The following TRERF1 variants were observed in gnomAD, a reference collection of about 807,000 sequenced individuals.
The protein encoded by TRERF1 is transcriptional-regulating factor 1.
A neutral mutation model predicts 122.9 loss-of-function variants in TRERF1; 27 were observed. The observed-to-expected ratio is 0.22, with a 90% CI of 0.16 to 0.30. TRERF1 has a LOEUF of 0.30. Among genes scored for constraint, TRERF1 ranks in the 10% least tolerant of loss-of-function variants. The pLI is 1.00. For synonymous variants in TRERF1, 636 were observed against 641.7 expected (o/e 0.99, Z 0.13); for missense variants, 1,248 against 1,560.3 (o/e 0.80, Z 3.37).
chr6:42,374,611 C>A (rs1562089185), intron 2 of TRERF1, among the ~76,000 whole-genome samples: 1 of 152,192 alleles, frequency 6.6e-6, no homozygotes, highest in Non-Finnish European at 1.5e-5. Context: ...AGAGCAAGAC[C>A]TACATCCACC....
In TRERF1 at chr6:42,425,437, G is replaced by A. The variant is rs530177757; in HGVS notation, c.-454+25740C>T. Reference sequence around the variant, plus strand: ...AGTGCCCAGTCACAGAGCACATAAAGGGCAAACCCAGAGTCAGAGTCAAAT... The same window carrying A: ...AGTGCCCAGTCACAGAGCACATAAAAGGCAAACCCAGAGTCAGAGTCAAAT... On this transcript the variant is annotated intron_variant, in intron 2 of 17. Coordinates refer to ENST00000372922, the Ensembl canonical transcript of TRERF1. 4.7e-5 allele frequency among the ~76,000 whole-genome samples: 7 copies of A among 149,562 alleles called. No individual in the cohort carries two copies. In the South Asian group the frequency reaches 1.5e-3, roughly 32 times the overall value.
At chr6:42,288,556 G>A (rs537166861) in intron 4 of TRERF1, among the ~76,000 whole-genome samples, 64 of 116,668 alleles carry the variant, frequency 5.5e-4, no homozygotes, top group African/African-American at 2.2e-3. Flanking sequence ...CAACAAGAGC[G>A]AAACTCCATC....
Position 42,228,224 on chromosome 6 carries a change from A to T in TRERF1, c.*121T>A. On this transcript the variant is annotated 3_prime_UTR_variant, in exon 18 of 18. Coordinates refer to ENST00000372922, the Ensembl canonical transcript of TRERF1. This position sits in a 1 kb window ranked among gnomAD's most constrained non-coding sequence, Gnocchi z 4.2. Reference sequence around the variant, plus strand: ...GATTTTTTTTTCTAAACCTGAATAAAATGACCACTTTTAAAACAGGTAGTT... The same window carrying T: ...GATTTTTTTTTCTAAACCTGAATAATATGACCACTTTTAAAACAGGTAGTT... 2.3e-6 allele frequency: 2 copies of T among 860,680 alleles called. No homozygotes were observed. Among genetic ancestry groups the T allele is most frequent in the Non-Finnish European group, 3.3e-6 (2 of 610,514 alleles). 53.3% of individuals were successfully genotyped at this position (860,680 alleles called of 1,614,324 possible).
intron 2 of TRERF1, among the ~76,000 whole-genome samples, chr6:42,410,678 T>G (rs76806173): frequency 1.3e-5 from 2 of 152,220 alleles, no homozygotes; most frequent in Non-Finnish European, 2.9e-5. Flanking sequence ...GGGACTGTAA[T>G]GCAATCAATC....
At position 42,228,147 on chromosome 6, in the gene TRERF1, C is replaced by G. The variant is rs983684778; in HGVS notation, c.*198G>C. The stretch of plus-strand genomic sequence containing the variant: ...AAGATAGTTGTGCCAATTATTTATT[C>G]CCCCAACCCCCCACAAAAACAAATT... On this transcript the variant is annotated 3_prime_UTR_variant, in exon 18 of 18. Transcript: ENST00000372922. The surrounding 1 kb of genome is among the most constrained non-coding windows in gnomAD (Gnocchi z 4.2). 1.0e-5 allele frequency: 5 copies of G among 490,980 alleles called. No homozygotes were observed. The highest frequency in any genetic ancestry group is 7.9e-5 in the African/African-American group (4 of 50,510). The allele number at this position is 490,980 out of a possible 1,614,324, so 30.4% of individuals were successfully genotyped here.
chr6:42,409,801 C>T (rs1232024766), intron 2 of TRERF1, among the ~76,000 whole-genome samples: 2 of 152,156 alleles, frequency 1.3e-5, no homozygotes, highest in Admixed American at 6.5e-5. Flanking sequence ...TTTCAGGGCA[C>T]ACTTCTAGTA....
intron 4 of TRERF1, among the ~76,000 whole-genome samples, chr6:42,283,863 G>A (rs1363746771): frequency 6.6e-6 from 1 of 151,966 alleles, no homozygotes; most frequent in East Asian, 1.9e-4. Flanking sequence ...CAATCTGCCC[G>A]CCTCGACCTC....
chr6:42,236,456 G>A, intron 15 of TRERF1, 45 bp from the exon 16 acceptor site: 1 of 1,538,668 alleles, frequency 6.5e-7, no homozygotes, highest in South Asian at 1.2e-5. Context: ...TCCCCAAATG[G>A]CATTCTTAGT....
intron 2 of TRERF1, among the ~76,000 whole-genome samples, chr6:42,425,529 A>AT (rs150820164): frequency 2.5e-4 from 11 of 44,080 alleles, no homozygotes; most frequent in African/African-American, 5.8e-4. Flanking sequence ...CCCCCTGGGC[A>AT]TTTTTTTTTT....
chr6:42,392,240 G>A (rs546446072), intron 2 of TRERF1, among the ~76,000 whole-genome samples: 6 of 152,314 alleles, frequency 3.9e-5, no homozygotes, highest in East Asian at 1.9e-4. Context: ...AAATGAATGA[G>A]TGAATGAATA....
intron 10 of TRERF1, among the ~76,000 whole-genome samples, chr6:42,257,427 CA>C (rs981337032): frequency 1.8e-4 from 27 of 152,052 alleles, no homozygotes; most frequent in African/African-American, 6.3e-4. Flanking sequence ...TTTAACAACA[CA>C]AAAAAGGGGA....
chr6:42,350,487 C>T (rs769217513), intron 3 of TRERF1, among the ~76,000 whole-genome samples: 1 of 152,152 alleles, frequency 6.6e-6, no homozygotes, highest in Non-Finnish European at 1.5e-5. Context: ...ACCTCTCAGC[C>T]TGCCTCTCTG....
chr6:42,366,602 T>C (rs1043415358), intron 2 of TRERF1, among the ~76,000 whole-genome samples: 2 of 152,224 alleles, frequency 1.3e-5, no homozygotes, highest in African/African-American at 4.8e-5. Flanking sequence ...TAGATAGATA[T>C]ACTCTCTTCT....
At chr6:42,293,462 G>A (rs1784617000) in intron 4 of TRERF1, among the ~76,000 whole-genome samples, 1 of 152,188 alleles carries the variant, frequency 6.6e-6, no homozygotes, top group South Asian at 2.1e-4. Context: ...TGGCTTGAGT[G>A]TTGTCCAAAA....
intron 2 of TRERF1, among the ~76,000 whole-genome samples, chr6:42,374,753 A>G (rs1774504805): frequency 6.6e-6 from 1 of 152,044 alleles, no homozygotes; most frequent in Non-Finnish European, 1.5e-5. Flanking sequence ...CACACCTGCA[A>G]TCCCAGCACT....
intron 4 of TRERF1, among the ~76,000 whole-genome samples, chr6:42,289,349 AAAAAAAAAC>A (rs1783885826): frequency 2.7e-5 from 4 of 147,162 alleles, no homozygotes; most frequent in African/African-American, 1.0e-4. Context: ...CAAACAAACA[AAAAAAAAAC>A]AAAAAAAAAC....
intron 4 of TRERF1, among the ~76,000 whole-genome samples, chr6:42,293,605 C>T (rs67006507): frequency 0.082 from 12,486 of 152,176 alleles, 551 homozygotes; most frequent in African/African-American, 0.11. Context: ...CTCTTGGCCT[C>T]CTGGACCTGA....
exon 18 of TRERF1, chr6:42,226,488 C>G (rs1402832885): frequency 6.6e-6 from 1 of 152,232 alleles, no homozygotes; most frequent in Non-Finnish European, 1.5e-5. Flanking sequence ...TGACTCACAA[C>G]TGCTTGGATA....
At chr6:42,420,338 T>A (rs1350883267) in intron 2 of TRERF1, among the ~76,000 whole-genome samples, 1 of 152,138 alleles carries the variant, frequency 6.6e-6, no homozygotes, top group Non-Finnish European at 1.5e-5. Flanking sequence ...GCAGGGAGGA[T>A]GGGCTGGTCC....
Sources: gnomAD v4.1 joint callset for allele counts (sites outside exome capture counted in the v4.1 genomes callset) on GRCh38, gnomAD v4.1.1 for gene constraint, Gnocchi (gnomAD v3.1) non-coding constraint, MANE v1.5 for transcripts, NCBI Gene and HGNC (gene_info 2026-07-23, HGNC 2026-07-21) for gene names.